Variants in CYYR1 observed in about 807,000 individuals in gnomAD.
CYYR1 encodes cysteine and tyrosine-rich protein 1.
CYYR1 carries 14 observed loss-of-function variants against 15.2 expected under a neutral mutation model. The ratio of observed to expected loss-of-function variants is 0.92; its 90% CI spans 0.61 to 1.44. The LOEUF (loss-of-function observed/expected upper bound fraction) is 1.44, where lower values mean the gene tolerates loss of function less well. Ranked by LOEUF, CYYR1 falls within the 40% of genes most tolerant of loss-of-function variation. CYYR1 has a pLI of 0.00. For synonymous variants in CYYR1, 80 were observed against 77.4 expected (o/e 1.03, Z -0.18); for missense variants, 228 against 209.5 (o/e 1.09, Z -0.54).
At chr21:26,534,511 C>T (rs1206435534) in intron 2 of CYYR1, among the ~76,000 whole-genome samples, 3 of 151,978 alleles carry the variant, frequency 2.0e-5, no homozygotes, top group African/African-American at 4.8e-5. Flanking sequence ...TTGGATTTGC[C>T]CAATGAAAGC....
chr21:26,529,755 C>T (rs920971727), intron 2 of CYYR1, among the ~76,000 whole-genome samples: 2 of 152,148 alleles, frequency 1.3e-5, no homozygotes, highest in African/African-American at 4.8e-5. Flanking sequence ...TGACACAGGT[C>T]ACTGTGGTTC....
chr21:26,497,209 A>G (rs2065417700), intron 2 of CYYR1, among the ~76,000 whole-genome samples: 1 of 151,994 alleles, frequency 6.6e-6, no homozygotes, highest in Non-Finnish European at 1.5e-5. Flanking sequence ...CTTTCCTACT[A>G]ATGTACGCTC....
chr21:26,487,534 C>T (rs12482472), intron 2 of CYYR1, among the ~76,000 whole-genome samples: 2 of 152,008 alleles, frequency 1.3e-5, no homozygotes, highest in Admixed American at 6.6e-5. Context: ...TACTGTAATA[C>T]CCTTGAATAC....
rs369916227 is a variant in CYYR1, at chr21:26,536,335, C to T, written c.176+29931G>A. ...GTTGAAAGCTACACAGGCATTAAGCCCTGCTTTTCCACGAGATGCTTTATT... is the reference window on the plus strand; with the variant it reads ...GTTGAAAGCTACACAGGCATTAAGCTCTGCTTTTCCACGAGATGCTTTATT... On this transcript the variant is annotated intron_variant, in intron 2 of 3. Transcript: ENST00000652641. 2.1e-4 allele frequency among the ~76,000 whole-genome samples: 32 copies of T among 152,200 alleles called. No homozygotes were observed. In the South Asian group the frequency reaches 6.2e-3, roughly 30 times the overall value.
chr21:26,563,991 C>T (rs1980428217), intron 2 of CYYR1, among the ~76,000 whole-genome samples: 1 of 151,920 alleles, frequency 6.6e-6, no homozygotes, highest in Non-Finnish European at 1.5e-5. Flanking sequence ...TTCTAATAAC[C>T]ACAAGGGTTT....
chr21:26,542,384 A>G (rs1978636578), intron 2 of CYYR1, among the ~76,000 whole-genome samples: 1 of 152,070 alleles, frequency 6.6e-6, no homozygotes, highest in Non-Finnish European at 1.5e-5. Flanking sequence ...ATTTATCAAT[A>G]TATTTCACCT....
At chr21:26,517,180 G>T (rs1458004011) in intron 2 of CYYR1, among the ~76,000 whole-genome samples, 1 of 127,916 alleles carries the variant, frequency 7.8e-6, no homozygotes, top group East Asian at 2.7e-4. Context: ...TTATAATTTT[G>T]ACTATAATCA....
intron 2 of CYYR1, among the ~76,000 whole-genome samples, chr21:26,546,368 T>G (rs1368931296): frequency 6.6e-6 from 1 of 152,224 alleles, no homozygotes; most frequent in South Asian, 2.1e-4. Context: ...TTTTGCTTAG[T>G]TGTAGGAGTC....
At chr21:26,485,908 A>T (rs1460927460) in intron 2 of CYYR1, among the ~76,000 whole-genome samples, 1 of 152,158 alleles carries the variant, frequency 6.6e-6, no homozygotes, top group Non-Finnish European at 1.5e-5. Flanking sequence ...CCAGCAAGGT[A>T]TGAGAGATCC....
At chr21:26,490,479 A>G (rs1051582626) in intron 2 of CYYR1, among the ~76,000 whole-genome samples, 1 of 152,174 alleles carries the variant, frequency 6.6e-6, no homozygotes, top group African/African-American at 2.4e-5. Context: ...GAAGACTATG[A>G]CAAGACAACA....
intron 3 of CYYR1, chr21:26,471,281 C>T (rs1464379145): frequency 1.3e-5 from 2 of 152,190 alleles, no homozygotes; most frequent in African/African-American, 4.8e-5. Context: ...CAAAGCTTTT[C>T]CCTGCCTCCC....
intron 2 of CYYR1, among the ~76,000 whole-genome samples, chr21:26,497,618 T>C (rs1481478558): frequency 1.3e-5 from 2 of 152,210 alleles, no homozygotes; most frequent in Non-Finnish European, 2.9e-5. Flanking sequence ...TATAATTTGC[T>C]CTTTTACTAT....
At chr21:26,483,754 C>G (rs1315998436) in intron 2 of CYYR1, among the ~76,000 whole-genome samples, 2 of 152,070 alleles carry the variant, frequency 1.3e-5, no homozygotes, top group East Asian at 3.9e-4. Context: ...ACAAACCATT[C>G]TTTGTTGTGT....
intron 3 of CYYR1, among the ~76,000 whole-genome samples, chr21:26,478,522 C>T (rs185139628): frequency 4.1e-4 from 62 of 152,196 alleles, no homozygotes; most frequent in African/African-American, 1.4e-3. Context: ...ACCTTGAAGG[C>T]CTCAGTAAAG....
intron 1 of CYYR1, among the ~76,000 whole-genome samples, chr21:26,570,883 G>A (rs936257355): frequency 2.0e-5 from 3 of 152,028 alleles, no homozygotes; most frequent in African/African-American, 2.4e-5. Context: ...ATCCCACTCC[G>A]TCTCGTTGGG....
chr21:26,490,549 A>G (rs146631817), intron 2 of CYYR1, among the ~76,000 whole-genome samples: 69 of 152,330 alleles, frequency 4.5e-4, no homozygotes, highest in African/African-American at 1.5e-3. Flanking sequence ...AAGTATAAAT[A>G]TAATACACTA....
intron 2 of CYYR1, among the ~76,000 whole-genome samples, chr21:26,539,589 A>G (rs1026559511): frequency 6.6e-6 from 1 of 152,156 alleles, no homozygotes; most frequent in Non-Finnish European, 1.5e-5. Context: ...TAAAGCAGCA[A>G]TTGTCTCCAA....
chr21:26,508,469 A>G (rs2065599660), intron 2 of CYYR1, among the ~76,000 whole-genome samples: 1 of 152,144 alleles, frequency 6.6e-6, no homozygotes, highest in Non-Finnish European at 1.5e-5. Context: ...AACTTTTAGA[A>G]ATGGTTACCA....
At chr21:26,486,496 A>G (rs975726118) in intron 2 of CYYR1, among the ~76,000 whole-genome samples, 4 of 152,072 alleles carry the variant, frequency 2.6e-5, no homozygotes, top group Admixed American at 1.3e-4. Flanking sequence ...TTGCCTGTGG[A>G]TAGCCAGCTA....
Sources: gnomAD v4.1 joint callset for allele counts (sites outside exome capture counted in the v4.1 genomes callset) on GRCh38, gnomAD v4.1.1 for gene constraint, MANE v1.5 for transcripts, NCBI Gene and HGNC (gene_info 2026-07-23, HGNC 2026-07-21) for gene names.